The following UNC5D variants were observed in gnomAD, a reference collection of about 807,000 sequenced individuals.
UNC5D encodes netrin receptor UNC5D.
In UNC5D, 39 loss-of-function variants were observed where a neutral mutation model predicts 105.4. The observed-to-expected ratio is 0.37, with a 90% CI of 0.29 to 0.48. The LOEUF is 0.48. Ranked by LOEUF, UNC5D falls within the 20% of genes least tolerant of loss-of-function variation. The pLI, the probability that UNC5D is intolerant of heterozygous loss-of-function variation, is 0.98. For synonymous variants in UNC5D, 452 were observed against 450.4 expected (o/e 1.00, Z -0.04); for missense variants, 991 against 1,202.4 (o/e 0.82, Z 2.60).
intron 1 of UNC5D, among the ~76,000 whole-genome samples, chr8:35,329,247 A>G (rs905933465): frequency 5.3e-5 from 8 of 152,128 alleles, no homozygotes; most frequent in South Asian, 4.1e-4. Context: ...CCCAAGTCCT[A>G]TTTTTTACTG....
intron 1 of UNC5D, among the ~76,000 whole-genome samples, chr8:35,501,050 G>C (rs1811933978): frequency 6.6e-6 from 1 of 152,184 alleles, no homozygotes; most frequent in Non-Finnish European, 1.5e-5. Context: ...TTGTTTGCCA[G>C]TGGTTAGCAC....
chr8:35,353,945 G>T (rs1801409074), intron 1 of UNC5D, among the ~76,000 whole-genome samples: 1 of 152,086 alleles, frequency 6.6e-6, no homozygotes, highest in Non-Finnish European at 1.5e-5. Flanking sequence ...TTGTAGAGAG[G>T]TTGACTTTTC....
In UNC5D at chr8:35,731,034, C is replaced by T. The variant is rs757764441; in HGVS notation, c.1704C>T (p.His568=). ...PNTGVSLLIP[H]GAIPEENSWE... ...TAGGGGTGAGCTTACTCATACCACA[C>T]GGTGCCATCCCAGAGGAGAATTCTT... Residue 568 remains histidine, a synonymous_variant, in exon 11 of 17, where the codon CAC becomes CAT. Coordinates refer to ENST00000404895, the MANE Select transcript of UNC5D (RefSeq NM_080872.4). 88 of 1,613,686 alleles carry T rather than the reference C, an allele frequency of 5.5e-5. No individual in the cohort carries two copies. Among genetic ancestry groups the T allele is most frequent in the South Asian group, 1.1e-4 (10 of 91,076 alleles).
At chr8:35,248,975 A>G (rs1803460722) in intron 1 of UNC5D, among the ~76,000 whole-genome samples, 1 of 90,088 alleles carries the variant, frequency 1.1e-5, no homozygotes, top group Non-Finnish European at 1.9e-5. Context: ...TATATTATAT[A>G]TTTTTATATA....
chr8:35,743,157 A>C (rs1370992338), intron 11 of UNC5D, among the ~76,000 whole-genome samples: 1 of 152,160 alleles, frequency 6.6e-6, no homozygotes, highest in Non-Finnish European at 1.5e-5. Flanking sequence ...TGTAGCCTAG[A>C]ATGAAATGGA....
chr8:35,386,605 G>A (rs894745207), intron 1 of UNC5D, among the ~76,000 whole-genome samples: 1 of 152,166 alleles, frequency 6.6e-6, no homozygotes, highest in African/African-American at 2.4e-5. Context: ...CTGGGTGCAC[G>A]GAATCTCTGA....
At chr8:35,771,013 A>G (rs910462694) in intron 15 of UNC5D, among the ~76,000 whole-genome samples, 1 of 152,188 alleles carries the variant, frequency 6.6e-6, no homozygotes, top group Non-Finnish European at 1.5e-5. Context: ...CTTGGCCCAG[A>G]TGTCTTTTAG....
intron 4 of UNC5D, among the ~76,000 whole-genome samples, chr8:35,639,543 G>T (rs938754263): frequency 2.0e-5 from 3 of 151,880 alleles, no homozygotes; most frequent in Admixed American, 1.3e-4. Flanking sequence ...ATGTTTCTGC[G>T]GGGTACTGTA....
chr8:35,693,829 T>C (rs777778592), intron 7 of UNC5D, among the ~76,000 whole-genome samples: 2 of 152,244 alleles, frequency 1.3e-5, no homozygotes, highest in Non-Finnish European at 1.5e-5. Context: ...TTCAGAAACA[T>C]AATCTCTGGA....
intron 1 of UNC5D, among the ~76,000 whole-genome samples, chr8:35,343,958 A>T (rs1055121631): frequency 5.9e-5 from 9 of 152,114 alleles, no homozygotes; most frequent in African/African-American, 2.2e-4. Flanking sequence ...AAGACTACCT[A>T]TCAAAATTGA....
At chr8:35,249,160 T>C (rs1039434053) in intron 1 of UNC5D, among the ~76,000 whole-genome samples, 1 of 138,940 alleles carries the variant, frequency 7.2e-6, no homozygotes, top group Non-Finnish European at 1.5e-5. Flanking sequence ...CTACATAAAA[T>C]ATATATATTT....
At chr8:35,525,691 GC>G (rs1726055412) in intron 1 of UNC5D, 1 of 1,606,294 alleles carries the variant, frequency 6.2e-7, no homozygotes, top group African/African-American at 1.3e-5. Flanking sequence ...TCGCCCTGCA[GC>G]CGCTGCTCCT....
At chr8:35,315,636 C>T (rs1016840368) in intron 1 of UNC5D, among the ~76,000 whole-genome samples, 2 of 152,182 alleles carry the variant, frequency 1.3e-5, no homozygotes, top group Admixed American at 6.5e-5. Context: ...TGAGAAATGA[C>T]TTCCATTTTA....
At chr8:35,711,328 T>C (rs185362835) in intron 8 of UNC5D, among the ~76,000 whole-genome samples, 65 of 152,114 alleles carry the variant, frequency 4.3e-4, no homozygotes, top group African/African-American at 1.4e-3. Flanking sequence ...TACAGGTGTC[T>C]GCCACCATGC....
intron 1 of UNC5D, among the ~76,000 whole-genome samples, chr8:35,418,770 A>G (rs1048098153): frequency 1.3e-5 from 2 of 152,216 alleles, no homozygotes; most frequent in Non-Finnish European, 2.9e-5. Flanking sequence ...ACGTTGGTGC[A>G]TTCAACTCGT....
At chr8:35,438,916 G>A (rs1392291186) in intron 1 of UNC5D, among the ~76,000 whole-genome samples, 1 of 152,008 alleles carries the variant, frequency 6.6e-6, no homozygotes, top group Non-Finnish European at 1.5e-5. Context: ...CTGGCTTAAG[G>A]GACTGCAAGG....
chr8:35,555,852 T>G (rs955431415), intron 2 of UNC5D, among the ~76,000 whole-genome samples: 8 of 114,174 alleles, frequency 7.0e-5, no homozygotes, highest in African/African-American at 2.4e-4. Context: ...AAAAGAATAA[T>G]TATAAAGATC....
chr8:35,498,950 T>A (rs1327202454), intron 1 of UNC5D, among the ~76,000 whole-genome samples: 1 of 152,222 alleles, frequency 6.6e-6, no homozygotes, highest in Non-Finnish European at 1.5e-5. Context: ...CTTTTCTTGC[T>A]TGAAAATGGA....
At chr8:35,782,269 T>C (rs1802535001) in intron 16 of UNC5D, among the ~76,000 whole-genome samples, 3 of 152,178 alleles carry the variant, frequency 2.0e-5, no homozygotes, top group Non-Finnish European at 4.4e-5. Context: ...GCTTTTCTCT[T>C]CTATTTGCAT....
Sources: gnomAD v4.1 joint callset for allele counts (sites outside exome capture counted in the v4.1 genomes callset) on GRCh38, gnomAD v4.1.1 for gene constraint, MANE v1.5 for transcripts, NCBI Gene and HGNC (gene_info 2026-07-23, HGNC 2026-07-21) for gene names.